Variants in PADI3 observed in about 807,000 individuals in gnomAD.
The protein encoded by PADI3 is protein-arginine deiminase type-3.
A neutral mutation model predicts 71.5 loss-of-function variants in PADI3; 53 were observed. The observed-to-expected ratio is 0.74, with a 90% CI of 0.59 to 0.93. PADI3 has a LOEUF of 0.93. PADI3 is among the 40% of genes least tolerant of loss of function. The pLI is 0.00. For missense variants in PADI3, 821 were observed against 868.0 expected (o/e 0.95, Z 0.68); for synonymous variants, 361 against 347.5 (o/e 1.04, Z -0.43).
intron 1 of PADI3, among the ~76,000 whole-genome samples, chr1:17,249,855 A>C (rs2072943375): frequency 6.6e-6 from 1 of 152,282 alleles, no homozygotes; most frequent in Admixed American, 6.5e-5. Context: ...ACAGTTACTA[A>C]GTGGCAAAGC....
At position 17,280,729 on chromosome 1, in the gene PADI3, A is replaced by C. The variant is rs1307582802; in HGVS notation, c.1694A>C (p.Asp565Ala). The C allele has an allele frequency of 2.2e-5, 35 of 1,614,070 alleles. No homozygotes were observed. The highest frequency in any genetic ancestry group is 3.0e-5 in the Non-Finnish European group (35 of 1,180,032). Residue 565 changes from aspartate to alanine, a missense_variant, in exon 15 of 16, where the codon GAC becomes GCC. By Grantham distance (126) the Asp-to-Ala change is moderately radical. Transcript: ENST00000375460. ...LKRELGLAEC[D>A]IIDIPQLFKT... ...CGGGAGCTGGGCCTGGCAGAGTGTG[A>C]CATCATTGACATCCCACAGCTCTTC...
intron 2 of PADI3, 99 bp from the exon 3 acceptor site, chr1:17,262,034 T>G (rs1377755102): frequency 2.0e-6 from 2 of 1,013,688 alleles, no homozygotes; most frequent in African/African-American, 3.3e-5. Context: ...GCAAGGTTCC[T>G]TGGGCCCCCT....
In PADI3 at chr1:17,271,075, A is replaced by G. The variant is rs763156968; in HGVS notation, c.944A>G (p.Asn315Ser). 1.2e-6 allele frequency: 2 copies of G among 1,613,948 alleles called. No individual in the cohort carries two copies. Among genetic ancestry groups the G allele is most frequent in the Non-Finnish European group, 1.7e-6 (2 of 1,179,882 alleles). The change falls in exon 9 of 16, where the codon AAC becomes AGC. Residue 315 changes from asparagine (N) to serine (S), a missense_variant. By Grantham distance (46) the Asn-to-Ser change is conservative. Coordinates refer to ENST00000375460, the MANE Select transcript of PADI3 (RefSeq NM_016233.2). ...CCTGGGCTTGTCCGTAGTGTGAGGA[A>G]CAACACGTGTTTTGTGGATGCGGTG... ...PLEVYVCRVRNNTCFVDAVAE... is the reference protein window; with the variant it reads ...PLEVYVCRVRSNTCFVDAVAE...
intron 9 of PADI3, among the ~76,000 whole-genome samples, chr1:17,272,789 T>C (rs1246538577): frequency 6.6e-6 from 1 of 152,198 alleles, no homozygotes; most frequent in African/African-American, 2.4e-5. Context: ...TGAGCCACCG[T>C]GCCCGGACTG....
intron 7 of PADI3, among the ~76,000 whole-genome samples, 167 bp from the exon 8 acceptor site, chr1:17,270,712 C>T (rs942301099): frequency 6.6e-6 from 1 of 152,046 alleles, no homozygotes; most frequent in African/African-American, 2.4e-5. Context: ...GTCTACCAGG[C>T]ACCACTGGTG....
intron 1 of PADI3, among the ~76,000 whole-genome samples, chr1:17,257,141 A>T (rs1295401131): frequency 6.7e-6 from 1 of 149,314 alleles, no homozygotes; most frequent in Non-Finnish European, 1.5e-5. Flanking sequence ...TGCTCTTCCT[A>T]CCTGGGTTTG....
intron 5 of PADI3, among the ~76,000 whole-genome samples, chr1:17,267,322 A>AC (rs1255886559): frequency 5.3e-5 from 8 of 151,510 alleles, no homozygotes; most frequent in Non-Finnish European, 8.8e-5. Flanking sequence ...CATTTCTGTG[A>AC]CTCCCCCACC....
chr1:17,257,064 T>C (rs960770029), intron 1 of PADI3, among the ~76,000 whole-genome samples: 1 of 144,088 alleles, frequency 6.9e-6, no homozygotes, highest in Non-Finnish European at 1.5e-5. Flanking sequence ...AAAAAAGGCT[T>C]CCTTGGGAGA....
chr1:17,280,558 G>T (rs1044284155), intron 14 of PADI3, 113 bp from the exon 15 acceptor site: 3 of 1,535,324 alleles, frequency 2.0e-6, no homozygotes, highest in Admixed American at 1.7e-5. Context: ...CAGACAGAGG[G>T]GTCCCAACAC....
At chr1:17,276,297 A>T (rs2073329276) in intron 11 of PADI3, among the ~76,000 whole-genome samples, 2 of 152,202 alleles carry the variant, frequency 1.3e-5, no homozygotes. Flanking sequence ...AGATCACGCC[A>T]CTGCACTCCA....
chr1:17,266,679 A>G, intron 4 of PADI3, 40 bp from the exon 5 acceptor site: 1 of 1,556,180 alleles, frequency 6.4e-7, no homozygotes, highest in Non-Finnish European at 8.9e-7. Context: ...CACAGGTCTC[A>G]TCTGAGCCCT....
chr1:17,280,264 T>C, intron 13 of PADI3, 86 bp from the exon 14 acceptor site: 1 of 1,029,366 alleles, frequency 9.7e-7, no homozygotes, highest in Non-Finnish European at 1.5e-6. Flanking sequence ...GCTGTGAACT[T>C]GGCTCCTGCC....
At chr1:17,275,735 T>C (rs1429319656) in intron 11 of PADI3, among the ~76,000 whole-genome samples, 1 of 152,198 alleles carries the variant, frequency 6.6e-6, no homozygotes, top group African/African-American at 2.4e-5. Context: ...GCTAACCAAA[T>C]GCAACAAAGC....
intron 2 of PADI3, 104 bp downstream of exon 2, chr1:17,259,862 T>C (rs2073082344): frequency 3.1e-6 from 3 of 970,240 alleles, no homozygotes. Flanking sequence ...GGCAACACAG[T>C]GGGTAAGTGC....
chr1:17,262,065 G>A lies in PADI3; in HGVS notation c.274-68G>A, dbSNP rs991641808. 19 of 1,401,510 alleles carry A rather than the reference G, an allele frequency of 1.4e-5. No homozygotes were observed. The East Asian group carries it at 1.4e-4, about 10-fold the overall frequency. 86.8% of individuals were successfully genotyped at this position (1,401,510 alleles called of 1,614,324 possible). A position where few individuals can be genotyped will look rare whatever the true frequency, so the allele number is the denominator to read the frequency against. Reference sequence around the variant, plus strand: ...CCCCTCCCCTCCTTACCAGATCCCCGAGAGCTATCTTTTGGGGCGGGAGCT... The same window carrying A: ...CCCCTCCCCTCCTTACCAGATCCCCAAGAGCTATCTTTTGGGGCGGGAGCT... On this transcript the variant is annotated intron_variant, in intron 2 of 15. Transcript: ENST00000375460.
At position 17,283,265 on chromosome 1, in the gene PADI3, GTTCTCAGACTTGAATC is replaced by G; in HGVS notation, c.*192_*207del. On this transcript the variant is annotated 3_prime_UTR_variant, in exon 16 of 16. Coordinates refer to ENST00000375460, the MANE Select transcript of PADI3 (RefSeq NM_016233.2). ...CCATGCCTCACCTGCAACCCATGTG[GTTCTCAGACTTGAATC>G]TTCTCGGCCCCCCAAAAAGAAGGAC... 3.5e-6 allele frequency: 2 copies of G among 578,066 alleles called. No individual in the cohort carries two copies. Among genetic ancestry groups the G allele is most frequent in the East Asian group, 5.7e-5 (2 of 34,846 alleles). 35.8% of individuals were successfully genotyped at this position (578,066 alleles called of 1,614,324 possible).
Position 17,266,704 on chromosome 1 carries a change from T to A in PADI3, c.409-15T>A, listed in dbSNP as rs1161094658. 6.2e-7 allele frequency: 1 copy of A among 1,609,758 alleles called. No individual in the cohort carries two copies. Among genetic ancestry groups the A allele is most frequent in the Admixed American group, 1.7e-5 (1 of 60,002 alleles). On this transcript the variant is annotated splice_polypyrimidine_tract_variant and intron_variant, in intron 4 of 15. Coordinates refer to ENST00000375460, the MANE Select transcript of PADI3 (RefSeq NM_016233.2). ...ATCTGAGCCCTCATCACTGGCTATGTTTTGTCATTGGCAGCGGCAGTGGGT... is the reference window on the plus strand; with the variant it reads ...ATCTGAGCCCTCATCACTGGCTATGATTTGTCATTGGCAGCGGCAGTGGGT...
At chr1:17,255,396 A>T (rs540219286) in intron 1 of PADI3, among the ~76,000 whole-genome samples, 1 of 152,294 alleles carries the variant, frequency 6.6e-6, no homozygotes, top group South Asian at 2.1e-4. Flanking sequence ...AGGCCTGTGC[A>T]TGGAAGCCTC....
intron 4 of PADI3, 87 bp from the exon 5 acceptor site, chr1:17,266,632 T>G: frequency 9.7e-7 from 1 of 1,036,068 alleles, no homozygotes. Flanking sequence ...CAGGGTTGGG[T>G]GGTTACAGGC....
Sources: allele counts gnomAD v4.1 joint callset (sites outside exome capture counted in the v4.1 genomes callset), GRCh38; gene constraint gnomAD v4.1.1; transcripts MANE v1.5; gene names NCBI Gene and HGNC (gene_info 2026-07-23, HGNC 2026-07-21).